RBMS3: variants seen among roughly 807,000 people sequenced by gnomAD.
The protein encoded by RBMS3 is RNA binding motif single stranded interacting protein 3, also known as RNA-binding motif, single-stranded-interacting protein 3.
Under a neutral mutation model 66.8 loss-of-function variants are expected in RBMS3, and 27 were observed. The ratio of observed to expected loss-of-function variants is 0.40; its 90% confidence interval spans 0.30 to 0.56. RBMS3 has a LOEUF of 0.56. Among genes scored for constraint, RBMS3 ranks in the 20% least tolerant of loss-of-function variants. RBMS3 has a pLI of 0.40. For missense variants in RBMS3, 513 were observed against 549.5 expected (o/e 0.93, Z 0.66); for synonymous variants, 188 against 183.0 (o/e 1.03, Z -0.22).
At chr3:29,934,383 A>G (rs2061212341) in intron 10 of RBMS3, among the ~76,000 whole-genome samples, 1 of 152,034 alleles carries the variant, frequency 6.6e-6, no homozygotes. Flanking sequence ...GTGATTTAAG[A>G]AGAACCCTTG....
chr3:29,832,641 G>C (rs1319551494), intron 6 of RBMS3, among the ~76,000 whole-genome samples: 1 of 152,106 alleles, frequency 6.6e-6, no homozygotes, highest in Non-Finnish European at 1.5e-5. Context: ...TAGCTGTATG[G>C]GATGCTGCCC....
chr3:29,577,559 G>A (rs552401374), intron 3 of RBMS3, among the ~76,000 whole-genome samples: 1 of 152,282 alleles, frequency 6.6e-6, no homozygotes, highest in South Asian at 2.1e-4. Context: ...GGCCTGTGAT[G>A]GCAAGGCTTG....
At chr3:29,596,682 C>G (rs1424129011) in intron 4 of RBMS3, among the ~76,000 whole-genome samples, 1 of 152,196 alleles carries the variant, frequency 6.6e-6, no homozygotes, top group Non-Finnish European at 1.5e-5. Context: ...TCTGTTAATG[C>G]TGTTTTCTAG....
chr3:29,867,575 G>A (rs1216381190), intron 6 of RBMS3, among the ~76,000 whole-genome samples: 1 of 147,990 alleles, frequency 6.8e-6, no homozygotes, highest in East Asian at 2.0e-4. Flanking sequence ...TCCTCCAGCA[G>A]GCTAACCTGG....
intron 2 of RBMS3, among the ~76,000 whole-genome samples, chr3:29,448,901 GACTGAA>G (rs1255648758): frequency 3.3e-5 from 5 of 152,188 alleles, no homozygotes; most frequent in Non-Finnish European, 5.9e-5. Flanking sequence ...TACTGCAAGT[GACTGAA>G]TGAGAACTCA....
chr3:29,305,851 G>T (rs1349581813), intron 1 of RBMS3, among the ~76,000 whole-genome samples: 1 of 151,968 alleles, frequency 6.6e-6, no homozygotes, highest in African/African-American at 2.4e-5. Context: ...GGGAAAGTTT[G>T]TGCTTTATTT....
chr3:29,324,550 T>A (rs2035202222), intron 1 of RBMS3, among the ~76,000 whole-genome samples: 2 of 152,268 alleles, frequency 1.3e-5, no homozygotes, highest in South Asian at 4.1e-4. Flanking sequence ...GGAATTTATT[T>A]CTTCTGTCCT....
At chr3:29,371,861 A>G (rs75877123) in intron 1 of RBMS3, among the ~76,000 whole-genome samples, 14,056 of 152,238 alleles carry the variant, frequency 0.092, 830 homozygotes, top group Non-Finnish European at 0.13. Context: ...TTCATTTACA[A>G]GAAGTTTTTT....
Position 29,989,069 on chromosome 3 carries a change from G to C in RBMS3, c.1179+846G>C, listed in dbSNP as rs552306991. 5.3e-5 allele frequency among the ~76,000 whole-genome samples: 8 copies of C among 152,256 alleles called. No individual in the cohort carries two copies. In the South Asian group the frequency reaches 1.7e-3, roughly 32 times the overall value. Reference sequence around the variant, plus strand: ...TTAGATGATTCTAATACGTACCAAAGACTAGAAACCATTGCTCTAGGCCAT... The same window carrying C: ...TTAGATGATTCTAATACGTACCAAACACTAGAAACCATTGCTCTAGGCCAT... On this transcript the variant is annotated intron_variant, in intron 13 of 14. Transcript: ENST00000383767.
chr3:29,718,136 T>C (rs996620157), intron 4 of RBMS3, among the ~76,000 whole-genome samples: 16 of 152,098 alleles, frequency 1.1e-4, no homozygotes, highest in Non-Finnish European at 2.2e-4. Context: ...TTTAAGTTTA[T>C]GAAAATATAA....
intron 3 of RBMS3, among the ~76,000 whole-genome samples, chr3:29,563,066 G>A (rs2046614061): frequency 1.3e-5 from 2 of 152,156 alleles, no homozygotes; most frequent in Non-Finnish European, 2.9e-5. Context: ...AAAAGACAGT[G>A]CAGGACATGG....
chr3:29,518,311 T>G (rs2044720773), intron 3 of RBMS3, among the ~76,000 whole-genome samples: 1 of 152,194 alleles, frequency 6.6e-6, no homozygotes, highest in African/African-American at 2.4e-5. Context: ...TTTGGAAACT[T>G]ATAGATAGAA....
chr3:29,817,270 C>T (rs2057939270), intron 6 of RBMS3, among the ~76,000 whole-genome samples: 1 of 145,798 alleles, frequency 6.9e-6, no homozygotes, highest in African/African-American at 2.6e-5. Flanking sequence ...TCACTGCAAA[C>T]TCCTCTCACT....
intron 4 of RBMS3, among the ~76,000 whole-genome samples, chr3:29,604,934 A>G (rs1422814497): frequency 6.6e-6 from 1 of 151,876 alleles, no homozygotes; most frequent in African/African-American, 2.4e-5. Context: ...GCTTTGAGAT[A>G]TCTTTTGGCA....
At chr3:29,383,154 G>A (rs1213127475) in intron 1 of RBMS3, among the ~76,000 whole-genome samples, 1 of 152,098 alleles carries the variant, frequency 6.6e-6, no homozygotes, top group Non-Finnish European at 1.5e-5. Flanking sequence ...TTTATTTTAA[G>A]GACACTACTT....
intron 10 of RBMS3, among the ~76,000 whole-genome samples, chr3:29,930,109 C>CTTTCTTTCTTTCTT (rs71091082): frequency 2.3e-5 from 1 of 43,556 alleles, no homozygotes; most frequent in Non-Finnish European, 5.2e-5. Context: ...TTCTTTCTTT[C>CTTTCTTTCTTTCTT]TTTTTTTTTT....
At chr3:29,817,935 T>A (rs2057960501) in intron 6 of RBMS3, among the ~76,000 whole-genome samples, 1 of 152,194 alleles carries the variant, frequency 6.6e-6, no homozygotes, top group African/African-American at 2.4e-5. Flanking sequence ...TTCCATCGTT[T>A]ATTGAAGATT....
At chr3:29,293,548 C>T (rs2032994569) in intron 1 of RBMS3, among the ~76,000 whole-genome samples, 1 of 151,720 alleles carries the variant, frequency 6.6e-6, no homozygotes, top group African/African-American at 2.4e-5. Flanking sequence ...CCATAAAAGG[C>T]TAGCTGCTAT....
At chr3:29,703,640 T>G (rs1251310223) in intron 4 of RBMS3, among the ~76,000 whole-genome samples, 2 of 152,216 alleles carry the variant, frequency 1.3e-5, no homozygotes, top group African/African-American at 4.8e-5. Context: ...TTCTATCAAG[T>G]TAATTGCTAT....
Sources: allele counts gnomAD v4.1 joint callset (sites outside exome capture counted in the v4.1 genomes callset), GRCh38; gene constraint gnomAD v4.1.1; transcripts MANE v1.5; gene names NCBI Gene and HGNC (gene_info 2026-07-23, HGNC 2026-07-21).